Variants in IPO5 observed in about 807,000 individuals in gnomAD.
IPO5 encodes the protein importin-5.
A neutral mutation model predicts 143.3 loss-of-function variants in IPO5; 18 were observed. That is an observed-to-expected ratio of 0.13 (90% CI 0.09 to 0.19). The LOEUF (loss-of-function observed/expected upper bound fraction) is 0.19. Among genes scored for constraint, IPO5 ranks in the 10% least tolerant of loss-of-function variants. The pLI, the probability that IPO5 is intolerant of heterozygous loss-of-function variation, is 1.00. For missense variants in IPO5, 1,013 were observed against 1,336.9 expected (o/e 0.76, Z 3.78); for synonymous variants, 477 against 465.7 (o/e 1.02, Z -0.31).
intron 2 of IPO5, 22 bp from the exon 3 acceptor site, chr13:97,969,701 C>G (rs1156897756): frequency 2.0e-6 from 2 of 997,998 alleles, no homozygotes. Context: ...AATGGTCCAC[C>G]ATTCTGTTTC....
intron 2 of IPO5, among the ~76,000 whole-genome samples, chr13:97,964,754 G>C (rs1199873941): frequency 1.3e-5 from 2 of 151,880 alleles, no homozygotes; most frequent in East Asian, 3.9e-4. Flanking sequence ...CGGCCTCCCA[G>C]CACCATTTCT....
chr13:98,006,506 C>CT (rs948740920), intron 17 of IPO5, among the ~76,000 whole-genome samples, 158 bp downstream of exon 17: 2 of 151,164 alleles, frequency 1.3e-5, no homozygotes, highest in African/African-American at 4.9e-5. Flanking sequence ...TCCCGAGTAG[C>CT]TGGGACTACA....
intron 2 of IPO5, chr13:97,960,125 T>C (rs1327176872): frequency 6.6e-6 from 1 of 152,228 alleles, no homozygotes; most frequent in African/African-American, 2.4e-5. Flanking sequence ...TGTGGATGAC[T>C]AAAAATCCAT....
At chr13:97,958,360 C>A (rs544639522) in intron 2 of IPO5, among the ~76,000 whole-genome samples, 1 of 152,244 alleles carries the variant, frequency 6.6e-6, no homozygotes, top group South Asian at 2.1e-4. Flanking sequence ...CAAACACCTC[C>A]TTCTCATCTT....
intron 18 of IPO5, 98 bp from the exon 19 acceptor site, chr13:98,009,783 T>G: frequency 1.1e-6 from 1 of 903,442 alleles, no homozygotes. Flanking sequence ...TGTGAACATA[T>G]CAATAAAACA....
intron 3 of IPO5, among the ~76,000 whole-genome samples, chr13:97,975,349 GGC>G (rs1886183333): frequency 1.3e-5 from 2 of 152,108 alleles, no homozygotes; most frequent in Non-Finnish European, 2.9e-5. Flanking sequence ...AAGTTAGCTG[GGC>G]ATGGTGGAAC....
Position 98,002,603 on chromosome 13 carries a change from T to G in IPO5, c.1233+12T>G. The G allele has an allele frequency of 6.2e-7, 1 of 1,611,898 alleles. No homozygotes were observed. Among genetic ancestry groups the G allele is most frequent in the Non-Finnish European group, 8.5e-7 (1 of 1,179,084 alleles). On this transcript the variant is annotated intron_variant, in intron 14 of 28. Transcript: ENST00000651721. ...TTCTCCAGGATCCTGTAAGTACCAG[T>G]AAATATTTGATTCAAAATGATTAGT...
chr13:97,991,721 C>T (rs1341061295), intron 9 of IPO5, among the ~76,000 whole-genome samples: 1 of 152,080 alleles, frequency 6.6e-6, no homozygotes, highest in African/African-American at 2.4e-5. Context: ...TTGATTGATA[C>T]AGTAGTTACA....
chr13:97,997,750 T>C (rs1440611592), intron 12 of IPO5, 132 bp downstream of exon 12: 2 of 426,934 alleles, frequency 4.7e-6, no homozygotes, highest in East Asian at 7.0e-5. Context: ...CTTGCTGTTG[T>C]ATTTATTGCT....
At chr13:97,988,767 A>G (rs576760195) in intron 6 of IPO5, among the ~76,000 whole-genome samples, 3 of 152,258 alleles carry the variant, frequency 2.0e-5, no homozygotes, top group East Asian at 3.9e-4. Flanking sequence ...CAGCCTGGGT[A>G]AAAAAGTGAA....
chr13:98,000,488 T>A (rs368805171), intron 12 of IPO5, 51 bp from the exon 13 acceptor site: 116 of 1,134,580 alleles, frequency 1.0e-4, no homozygotes, highest in Middle Eastern at 3.9e-4. Context: ...AGTATACTAT[T>A]TCTTTTGTGT....
intron 11 of IPO5, among the ~76,000 whole-genome samples, chr13:97,995,164 ATTCTTTCT>A (rs1186279205): frequency 1.4e-5 from 2 of 145,270 alleles, no homozygotes; most frequent in Non-Finnish European, 1.5e-5. Flanking sequence ...TCTTTCTTTC[ATTCTTTCT>A]TTCTTTGTTT....
At chr13:98,009,385 T>C (rs1889521685) in intron 18 of IPO5, among the ~76,000 whole-genome samples, 1 of 152,234 alleles carries the variant, frequency 6.6e-6, no homozygotes, top group Admixed American at 6.5e-5. Flanking sequence ...TTAAATATAC[T>C]CAGCCACTTA....
Position 98,023,930 on chromosome 13 carries a change from T to TGG in IPO5, c.*2108_*2109insGG, listed in dbSNP as rs1245910704. The TGG allele has an allele frequency of 6.6e-6, 1 of 152,266 alleles. No homozygotes were observed. The highest frequency in any genetic ancestry group is 1.5e-5 in the Non-Finnish European group (1 of 68,048). 9.4% of individuals were successfully genotyped at this position (152,266 alleles called of 1,614,324 possible). ...AAAGGACCTGCAGAAGCATTTTTAA[T>TGG]ACCTCATTCTGTCTATGCAAGATGA... On this transcript the variant is annotated 3_prime_UTR_variant, in exon 29 of 29. Transcript: ENST00000651721.
intron 3 of IPO5, chr13:97,975,576 C>T (rs1339061846): frequency 6.6e-6 from 1 of 152,212 alleles, no homozygotes; most frequent in East Asian, 1.9e-4. Context: ...CTTTGGCAGC[C>T]CCAGGAGTTA....
At chr13:97,987,934 C>G in intron 6 of IPO5, 1 of 255,860 alleles carries the variant, frequency 3.9e-6, no homozygotes, top group South Asian at 3.5e-5. Context: ...CCAAAGTATT[C>G]AAAGTGCTCT....
At chr13:97,979,260 C>G (rs926266062) in intron 4 of IPO5, among the ~76,000 whole-genome samples, 11 of 152,194 alleles carry the variant, frequency 7.2e-5, no homozygotes, top group African/African-American at 2.6e-4. Context: ...AATACTTAGT[C>G]GACACATAAA....
At chr13:98,006,408 T>G in intron 17 of IPO5, 60 bp downstream of exon 17, 1 of 1,025,064 alleles carries the variant, frequency 9.8e-7, no homozygotes, top group East Asian at 3.0e-5. Flanking sequence ...AGAGTCTCGC[T>G]CTGTCACCCA....
intron 12 of IPO5, among the ~76,000 whole-genome samples, chr13:97,999,776 T>G (rs970097386): frequency 6.6e-6 from 1 of 152,222 alleles, no homozygotes; most frequent in Non-Finnish European, 1.5e-5. Context: ...TTGCACCCCT[T>G]TAAGGGTGAA....
Sources: allele counts gnomAD v4.1 joint callset (sites outside exome capture counted in the v4.1 genomes callset), GRCh38; gene constraint gnomAD v4.1.1; transcripts MANE v1.5; gene names NCBI Gene and HGNC (gene_info 2026-07-23, HGNC 2026-07-21).